The following FOXP2 variants were observed in gnomAD, a reference collection of about 807,000 sequenced individuals.
FOXP2 encodes forkhead box protein P2.
Under a neutral mutation model 115.8 loss-of-function variants are expected in FOXP2, and 12 were observed. The observed-to-expected ratio is 0.10, with a 90% CI of 0.07 to 0.17. The LOEUF is 0.17. Ranked by LOEUF, FOXP2 falls within the 10% of genes least tolerant of loss-of-function variation. The pLI is 1.00. For missense variants in FOXP2, 629 were observed against 843.5 expected (o/e 0.75, Z 3.15); for synonymous variants, 328 against 297.7 (o/e 1.10, Z -1.05).
chr7:114,374,496 C>CT (rs1207698259), intron 2 of FOXP2, among the ~76,000 whole-genome samples: 1 of 152,036 alleles, frequency 6.6e-6, no homozygotes, highest in African/African-American at 2.4e-5. Flanking sequence ...CAACTAGAGA[C>CT]TGGAAGGACC....
intron 2 of FOXP2, among the ~76,000 whole-genome samples, chr7:114,495,137 G>C (rs1486629825): frequency 6.6e-6 from 1 of 152,096 alleles, no homozygotes; most frequent in Non-Finnish European, 1.5e-5. Context: ...AACAAGCCTG[G>C]AGCTTTTATG....
At chr7:114,213,363 G>A (rs1014431314) in intron 1 of FOXP2, among the ~76,000 whole-genome samples, 1 of 152,082 alleles carries the variant, frequency 6.6e-6, no homozygotes, top group African/African-American at 2.4e-5. Flanking sequence ...GTACATTTTG[G>A]AGAATTTAAA....
rs574507453 is a variant in FOXP2 at position 114,622,009 on chromosome 7, A to G, written c.259-6531A>G. On this transcript the variant is annotated intron_variant, in intron 3 of 16. Coordinates refer to ENST00000350908, the MANE Select transcript of FOXP2 (RefSeq NM_014491.4). ...CAATGGCATGACTGACTGAAGAATC[A>G]CAACCAAAGGGTATAGTAAATGCTG... Among the ~76,000 whole-genome samples, 5 of 152,152 alleles carry G rather than the reference A, an allele frequency of 3.3e-5. No homozygotes were observed. The East Asian group carries it at 9.7e-4, about 29-fold the overall frequency.
chr7:114,663,074 A>C (rs184904827), intron 14 of FOXP2, among the ~76,000 whole-genome samples: 308 of 152,256 alleles, frequency 2.0e-3, no homozygotes, highest in African/African-American at 6.3e-3. Flanking sequence ...TTAACCATTA[A>C]TTATTTCCTG....
intron 1 of FOXP2, among the ~76,000 whole-genome samples, chr7:114,152,880 C>G (rs1200568303): frequency 6.6e-6 from 1 of 152,036 alleles, no homozygotes; most frequent in Admixed American, 6.6e-5. Context: ...ATCTGGTGAG[C>G]CTGCAGCAGG....
chr7:114,283,409 A>G (rs1417887755), intron 1 of FOXP2, among the ~76,000 whole-genome samples: 1 of 152,138 alleles, frequency 6.6e-6, no homozygotes, highest in Non-Finnish European at 1.5e-5. Flanking sequence ...TCACCAGGCT[A>G]AGGATTTTGT....
chr7:114,605,161 G>A (rs1803244375), intron 3 of FOXP2, among the ~76,000 whole-genome samples: 2 of 152,122 alleles, frequency 1.3e-5, no homozygotes, highest in South Asian at 4.1e-4. Flanking sequence ...GGAAGTCTGT[G>A]CCCTGGAAAC....
At chr7:114,376,271 T>G in intron 2 of FOXP2, among the ~76,000 whole-genome samples, 1 of 152,232 alleles carries the variant, frequency 6.6e-6, no homozygotes, top group Middle Eastern at 3.4e-3. Context: ...AAATTAAGGG[T>G]TCTATTTCCA....
At chr7:114,212,568 A>T (rs1056772465) in intron 1 of FOXP2, among the ~76,000 whole-genome samples, 2 of 152,122 alleles carry the variant, frequency 1.3e-5, no homozygotes, top group Non-Finnish European at 2.9e-5. Flanking sequence ...GAAAAAAAAA[A>T]ACAAGGAGTT....
At chr7:114,287,523 G>A (rs566361065) in intron 1 of FOXP2, among the ~76,000 whole-genome samples, 101 of 152,070 alleles carry the variant, frequency 6.6e-4, no homozygotes, top group African/African-American at 2.4e-3. Flanking sequence ...ACTTAAATAA[G>A]CATTTAAATA....
intron 3 of FOXP2, among the ~76,000 whole-genome samples, chr7:114,596,712 C>G (rs935152688): frequency 1.3e-5 from 2 of 152,026 alleles, no homozygotes; most frequent in Non-Finnish European, 2.9e-5. Flanking sequence ...TCTGATAAAG[C>G]TCTCCCCTCC....
intron 2 of FOXP2, among the ~76,000 whole-genome samples, chr7:114,380,353 G>A (rs1047366194): frequency 6.6e-6 from 1 of 152,136 alleles, no homozygotes; most frequent in Non-Finnish European, 1.5e-5. Context: ...GCCCGAGTGA[G>A]GGCTATTAGT....
At chr7:114,128,908 C>T (rs970266456) in intron 1 of FOXP2, among the ~76,000 whole-genome samples, 6 of 152,128 alleles carry the variant, frequency 3.9e-5, no homozygotes, top group African/African-American at 1.4e-4. Context: ...CTTTCTTCTT[C>T]ATAGCAACTT....
chr7:114,580,106 G>A (rs1801771907), intron 3 of FOXP2, among the ~76,000 whole-genome samples: 1 of 152,216 alleles, frequency 6.6e-6, no homozygotes, highest in Non-Finnish European at 1.5e-5. Flanking sequence ...TTTTGAGTAA[G>A]GAAGTGGATG....
chr7:114,411,131 T>G (rs1793153104), upstream of FOXP2, among the ~76,000 whole-genome samples: 1 of 152,094 alleles, frequency 6.6e-6, no homozygotes, highest in South Asian at 2.1e-4. Context: ...GCCAAACTTA[T>G]GTGGTGGCCA....
intron 1 of FOXP2, among the ~76,000 whole-genome samples, chr7:114,280,548 T>C (rs1796307676): frequency 6.6e-6 from 1 of 152,162 alleles, no homozygotes; most frequent in Non-Finnish European, 1.5e-5. Context: ...CTAGTTAGCA[T>C]GAACATTTTT....
At chr7:114,555,567 C>T (rs113502853) in intron 3 of FOXP2, among the ~76,000 whole-genome samples, 88 of 152,126 alleles carry the variant, frequency 5.8e-4, no homozygotes, top group Non-Finnish European at 1.2e-3. Context: ...GAGACTGAGG[C>T]GGGCAGATCA....
chr7:114,402,554 G>A (rs1792910961), intron 2 of FOXP2, among the ~76,000 whole-genome samples: 1 of 151,994 alleles, frequency 6.6e-6, no homozygotes, highest in African/African-American at 2.4e-5. Flanking sequence ...GTCTGTGCTG[G>A]TGTAAACAAG....
intron 2 of FOXP2, among the ~76,000 whole-genome samples, chr7:114,354,848 A>T (rs1244914119): frequency 1.3e-5 from 2 of 152,186 alleles, no homozygotes; most frequent in African/African-American, 2.4e-5. Context: ...AGATATTTTG[A>T]AAAGGTATAT....
Sources: gnomAD v4.1 joint callset for allele counts (sites outside exome capture counted in the v4.1 genomes callset) on GRCh38, gnomAD v4.1.1 for gene constraint, MANE v1.5 for transcripts, NCBI Gene and HGNC (gene_info 2026-07-23, HGNC 2026-07-21) for gene names.